Variants in CDH13 observed in about 807,000 individuals in gnomAD.
CDH13 encodes the protein cadherin 13.
CDH13 carries 24 observed loss-of-function variants against 63.8 expected under a neutral mutation model. That is an observed-to-expected ratio of 0.38 (90% confidence interval 0.27 to 0.53). The LOEUF (loss-of-function observed/expected upper bound fraction) is 0.53, where lower values mean the gene tolerates loss of function less well. Among genes scored for constraint, CDH13 ranks in the 20% least tolerant of loss-of-function variants. CDH13 has a pLI of 0.85. For missense variants in CDH13, 1,049 were observed against 903.1 expected, an observed-to-expected ratio of 1.16 and a Z score of -2.07; for synonymous variants, 503 against 355.3, an observed-to-expected ratio of 1.42 and a Z score of -4.67.
chr16:83,646,712 A>AAC (rs71382879), intron 8 of CDH13, among the ~76,000 whole-genome samples: 7,656 of 79,130 alleles, frequency 0.097, 709 homozygotes, highest in Middle Eastern at 0.15. Context: ...AAAAAAAAAA[A>AAC]ACACACACAC....
intron 2 of CDH13, among the ~76,000 whole-genome samples, chr16:82,910,444 G>T (rs894592140): frequency 6.6e-6 from 1 of 152,102 alleles, no homozygotes; most frequent in East Asian, 1.9e-4. Context: ...CTCTGCATCT[G>T]TTGACTTTAG....
At chr16:82,683,328 C>G (rs1030998885) in intron 1 of CDH13, among the ~76,000 whole-genome samples, 7 of 152,210 alleles carry the variant, frequency 4.6e-5, no homozygotes, top group African/African-American at 1.7e-4. Context: ...AACCTCCCCG[C>G]TTTCTGGTTC....
At chr16:83,418,720 T>C (rs2071625606) in intron 6 of CDH13, among the ~76,000 whole-genome samples, 1 of 152,100 alleles carries the variant, frequency 6.6e-6, no homozygotes, top group African/African-American at 2.4e-5. Context: ...GAGAATATCA[T>C]GGTGATGAGT....
At chr16:82,643,855 G>A (rs1909731042) in intron 1 of CDH13, among the ~76,000 whole-genome samples, 1 of 151,864 alleles carries the variant, frequency 6.6e-6, no homozygotes, top group Non-Finnish European at 1.5e-5. Flanking sequence ...CAACCCTCTT[G>A]CCTCAGTTCT....
intron 6 of CDH13, among the ~76,000 whole-genome samples, chr16:83,447,063 A>C (rs546257708): frequency 4.9e-5 from 7 of 141,972 alleles, no homozygotes; most frequent in Non-Finnish European, 7.6e-5. Context: ...TAAAAAAAAA[A>C]AAAAAAAAAA....
At chr16:83,020,546 A>G (rs535315257) in intron 2 of CDH13, among the ~76,000 whole-genome samples, 44 of 152,352 alleles carry the variant, frequency 2.9e-4, no homozygotes, top group African/African-American at 1.0e-3. Context: ...TGCTCAGCAT[A>G]ACAGTTTGCT....
At chr16:83,322,031 G>A (rs556217589) in intron 5 of CDH13, among the ~76,000 whole-genome samples, 1 of 152,180 alleles carries the variant, frequency 6.6e-6, no homozygotes, top group African/African-American at 2.4e-5. Flanking sequence ...GAGACAGCAG[G>A]GACTTCAGCA....
intron 10 of CDH13, among the ~76,000 whole-genome samples, chr16:83,717,617 C>T (rs76383661): frequency 0.01 from 1,581 of 152,338 alleles, 34 homozygotes; most frequent in African/African-American, 0.036. Context: ...ATCACGGGGA[C>T]GCTGTGAGCT....
In CDH13 at chr16:83,663,039, A is replaced by G. The variant is rs548579176; in HGVS notation, c.1102-7751A>G. On this transcript the variant is annotated intron_variant, in intron 8 of 13. Coordinates refer to ENST00000567109, the MANE Select transcript of CDH13 (RefSeq NM_001257.5). ...TCCATGCATATTGGATTTCTCTGAT[A>G]ATTTATCCTTATCCAAATGACAAAA... Among the ~76,000 whole-genome samples the G allele has an allele frequency of 1.6e-4, 24 of 152,274 alleles. No individual in the cohort carries two copies. In the South Asian group the frequency reaches 1.9e-3, roughly 12 times the overall value.
chr16:83,221,422 A>C (rs1411379106), intron 5 of CDH13, among the ~76,000 whole-genome samples: 1 of 152,188 alleles, frequency 6.6e-6, no homozygotes, highest in Non-Finnish European at 1.5e-5. Flanking sequence ...GCCTCCTGAA[A>C]TATTACTCAT....
At chr16:83,087,006 G>T (rs1318763250) in intron 3 of CDH13, among the ~76,000 whole-genome samples, 1 of 152,144 alleles carries the variant, frequency 6.6e-6, no homozygotes. Context: ...ATACACAACC[G>T]CAAAACTGGC....
chr16:82,912,061 C>T (rs181426037), intron 2 of CDH13, among the ~76,000 whole-genome samples: 73 of 152,146 alleles, frequency 4.8e-4, no homozygotes, highest in Admixed American at 7.8e-4. Flanking sequence ...ATTCCACGGC[C>T]GCCCCTGCCG....
intron 7 of CDH13, among the ~76,000 whole-genome samples, chr16:83,586,128 C>T (rs555048992): frequency 2.6e-5 from 4 of 151,838 alleles, no homozygotes; most frequent in South Asian, 4.2e-4. Context: ...ATAATGACAG[C>T]GTGTCTGAGT....
chr16:83,778,098 T>C (rs1301321481), intron 11 of CDH13, among the ~76,000 whole-genome samples: 1 of 152,252 alleles, frequency 6.6e-6, no homozygotes, highest in Non-Finnish European at 1.5e-5. Context: ...GCTCTAACCT[T>C]TCTTGCAGAA....
rs2090557273 is a variant in CDH13 at position 83,334,771 on chromosome 16, C to G, written c.637-10091C>G. 2.0e-5 allele frequency among the ~76,000 whole-genome samples: 3 copies of G among 152,176 alleles called. No homozygotes were observed. The South Asian group carries it at 6.2e-4, about 32-fold the overall frequency. On this transcript the variant is annotated intron_variant, in intron 5 of 13. Coordinates refer to ENST00000567109, the MANE Select transcript of CDH13 (RefSeq NM_001257.5). ...AGAGTATGAGAATTGTAGACCGAAA[C>G]TTCATGAAAAGATTTATCAGTATGT...
chr16:82,866,260 C>A (rs1281761944), intron 2 of CDH13, among the ~76,000 whole-genome samples: 9 of 152,032 alleles, frequency 5.9e-5, no homozygotes, highest in Admixed American at 3.9e-4. Flanking sequence ...TGTTCCAGCC[C>A]CTGCCTGTTA....
intron 3 of CDH13, among the ~76,000 whole-genome samples, chr16:83,050,404 C>T (rs974611004): frequency 6.6e-6 from 1 of 152,100 alleles, no homozygotes. Flanking sequence ...ACTTTAATTC[C>T]CAGCAGAGCA....
chr16:83,421,837 A>G (rs2071725124), intron 6 of CDH13, among the ~76,000 whole-genome samples: 2 of 152,230 alleles, frequency 1.3e-5, no homozygotes, highest in South Asian at 2.1e-4. Flanking sequence ...TGCTTTTTCC[A>G]TAATTAGTTC....
At chr16:82,900,593 G>A (rs1337760121) in intron 2 of CDH13, among the ~76,000 whole-genome samples, 1 of 152,220 alleles carries the variant, frequency 6.6e-6, no homozygotes, top group Non-Finnish European at 1.5e-5. Flanking sequence ...ATGTTTGTAA[G>A]CTGCTGTGAA....
Sources: gnomAD v4.1 joint callset for allele counts (sites outside exome capture counted in the v4.1 genomes callset) on GRCh38, gnomAD v4.1.1 for gene constraint, MANE v1.5 for transcripts, NCBI Gene and HGNC (gene_info 2026-07-23, HGNC 2026-07-21) for gene names.